GSK3B: variants seen among roughly 807,000 people sequenced by gnomAD.
GSK3B encodes the protein glycogen synthase kinase 3 beta.
Under a neutral mutation model 56.4 loss-of-function variants are expected in GSK3B, and 15 were observed. That is an observed-to-expected ratio of 0.27 (90% CI 0.18 to 0.41). GSK3B has a LOEUF of 0.41. Among genes scored for constraint, GSK3B ranks in the 10% least tolerant of loss-of-function variants. The pLI, the probability that GSK3B is intolerant of heterozygous loss-of-function variation, is 1.00. For missense variants in GSK3B, 300 were observed against 513.4 expected (o/e 0.58, Z 4.02); for synonymous variants, 181 against 188.9 (o/e 0.96, Z 0.34).
intron 7 of GSK3B, among the ~76,000 whole-genome samples, chr3:119,887,248 G>A (rs892815378): frequency 4.6e-5 from 7 of 151,852 alleles, no homozygotes; most frequent in Non-Finnish European, 8.8e-5. Flanking sequence ...ATGAAATAAC[G>A]AACACTGAAA....
chr3:119,916,286 G>A (rs1422643243), intron 4 of GSK3B, 112 bp from the exon 5 acceptor site: 1 of 796,220 alleles, frequency 1.3e-6, no homozygotes. Flanking sequence ...AAATGCTATG[G>A]ATTACTGGCA....
intron 1 of GSK3B, among the ~76,000 whole-genome samples, chr3:120,041,861 C>T (rs1447986682): frequency 6.6e-6 from 1 of 152,120 alleles, no homozygotes; most frequent in Non-Finnish European, 1.5e-5. Flanking sequence ...GAAAATAGCC[C>T]AATAATTGGT....
At chr3:120,051,453 G>A (rs1243027455) in intron 1 of GSK3B, among the ~76,000 whole-genome samples, 1 of 152,138 alleles carries the variant, frequency 6.6e-6, no homozygotes, top group East Asian at 1.9e-4. Flanking sequence ...TTTTTTAAAA[G>A]TACACAATTA....
intron 1 of GSK3B, among the ~76,000 whole-genome samples, chr3:120,047,630 A>G (rs974622827): frequency 4.6e-5 from 7 of 152,254 alleles, no homozygotes; most frequent in Non-Finnish European, 1.5e-5. Context: ...AATTTATTCA[A>G]CAAATAGTTG....
chr3:119,940,095 AGTGTGTGT>A (rs1192254485), intron 3 of GSK3B, among the ~76,000 whole-genome samples: 1 of 133,882 alleles, frequency 7.5e-6, no homozygotes, highest in South Asian at 2.4e-4. Context: ...CAGTAACAAA[AGTGTGTGT>A]GTGTGTTTGT....
chr3:119,968,037 A>G (rs2057335634), intron 2 of GSK3B, among the ~76,000 whole-genome samples: 1 of 152,018 alleles, frequency 6.6e-6, no homozygotes. Context: ...TTGTATTTTT[A>G]GTAGGGACGG....
intron 2 of GSK3B, among the ~76,000 whole-genome samples, chr3:119,972,558 C>G (rs1056878497): frequency 3.9e-5 from 6 of 152,140 alleles, no homozygotes; most frequent in Non-Finnish European, 7.4e-5. Flanking sequence ...GCCTCAGCCT[C>G]CCGAGTAGCT....
intron 2 of GSK3B, 29 bp downstream of exon 2, chr3:120,002,017 C>A: frequency 2.1e-6 from 3 of 1,457,594 alleles, no homozygotes; most frequent in Admixed American, 2.1e-5. Context: ...ACGACAGCAA[C>A]AAAATATATG....
At chr3:120,090,679 C>T (rs2058504400) in intron 1 of GSK3B, among the ~76,000 whole-genome samples, 2 of 152,166 alleles carry the variant, frequency 1.3e-5, no homozygotes, top group African/African-American at 2.4e-5. Flanking sequence ...TGATTCACAA[C>T]ATACCCTACT....
intron 2 of GSK3B, among the ~76,000 whole-genome samples, chr3:119,972,732 C>A (rs1183066075): frequency 6.6e-6 from 1 of 151,984 alleles, no homozygotes; most frequent in Non-Finnish European, 1.5e-5. Flanking sequence ...ACCGCGCCCA[C>A]CTATTTTTTT....
At chr3:119,900,023 G>T (rs1034854031) in intron 7 of GSK3B, among the ~76,000 whole-genome samples, 2 of 152,024 alleles carry the variant, frequency 1.3e-5, no homozygotes, top group Non-Finnish European at 2.9e-5. Flanking sequence ...TCTTCCCTGT[G>T]TAAAAGCTAT....
chr3:119,964,108 C>G (rs1203020774), intron 2 of GSK3B, among the ~76,000 whole-genome samples: 1 of 152,180 alleles, frequency 6.6e-6, no homozygotes, highest in Non-Finnish European at 1.5e-5. Flanking sequence ...AACCAAATGT[C>G]TGACAAGGAG....
chr3:119,947,854 C>A (rs2057115085), intron 2 of GSK3B, among the ~76,000 whole-genome samples: 2 of 136,230 alleles, frequency 1.5e-5, no homozygotes, highest in African/African-American at 2.7e-5. Flanking sequence ...AAAGTGAATG[C>A]AGAGCGAAAC....
At chr3:120,035,894 G>A (rs2058018701) in intron 1 of GSK3B, among the ~76,000 whole-genome samples, 1 of 152,066 alleles carries the variant, frequency 6.6e-6, no homozygotes, top group East Asian at 1.9e-4. Context: ...AAATTTCTTA[G>A]GATGTTTCTA....
At chr3:119,864,009 T>C (rs905090143) in intron 8 of GSK3B, among the ~76,000 whole-genome samples, 3 of 152,178 alleles carry the variant, frequency 2.0e-5, no homozygotes, top group Admixed American at 6.5e-5. Flanking sequence ...TTGTTAATGA[T>C]GAGCAGCACT....
At chr3:119,998,287 T>C (rs1319509031) in intron 2 of GSK3B, among the ~76,000 whole-genome samples, 4 of 152,168 alleles carry the variant, frequency 2.6e-5, no homozygotes, top group African/African-American at 9.7e-5. Context: ...TTCCAGTGGC[T>C]CCCTTGCCAT....
chr3:120,094,404 G>GCGGCAC lies in GSK3B; in HGVS notation c.-976_-971dup, dbSNP rs2058546755. ...GGCCCGGGCGGCGGCGGCGGCGGCG[G>GCGGCAC]CGGCACAAGCCCGCATTCGCCCGGG... On this transcript the variant is annotated 5_prime_UTR_variant, in exon 1 of 11. Transcript: ENST00000264235. 3.1e-6 allele frequency: 1 copy of GCGGCAC among 327,362 alleles called. No individual in the cohort carries two copies. 20.3% of individuals were successfully genotyped at this position (327,362 alleles called of 1,614,324 possible).
rs1395422476 is a variant in GSK3B at position 119,829,525 on chromosome 3, G to T, written c.1196-2670C>A. On this transcript the variant is annotated intron_variant, in intron 10 of 10. Coordinates refer to ENST00000264235, the MANE Select transcript of GSK3B (RefSeq NM_001146156.2). The stretch of plus-strand genomic sequence containing the variant: ...CATGGAGAGAGCAGCTCTGGCCACG[G>T]CAGCCATTAACTACACTGGCTGACA... Among the ~76,000 whole-genome samples the T allele has an allele frequency of 3.3e-5, 5 of 152,312 alleles. No homozygotes were observed. The South Asian group carries it at 1.0e-3, about 32-fold the overall frequency.
intron 10 of GSK3B, among the ~76,000 whole-genome samples, chr3:119,836,321 CCACGT>C (rs2055689378): frequency 6.6e-6 from 1 of 152,140 alleles, no homozygotes; most frequent in South Asian, 2.1e-4. Context: ...AGCCTGCAGA[CCACGT>C]AAAATGACAG....
Sources: allele counts gnomAD v4.1 joint callset (sites outside exome capture counted in the v4.1 genomes callset), GRCh38; gene constraint gnomAD v4.1.1; transcripts MANE v1.5; gene names NCBI Gene and HGNC (gene_info 2026-07-23, HGNC 2026-07-21).